HPSE2: variants seen among roughly 807,000 people sequenced by gnomAD.
HPSE2 encodes the protein heparanase 2 (inactive).
HPSE2 carries 38 observed loss-of-function variants against 60.5 expected under a neutral mutation model. The ratio of observed to expected loss-of-function variants is 0.63; its 90% CI spans 0.48 to 0.82. HPSE2 has a LOEUF of 0.82. Among genes scored for constraint, HPSE2 ranks in the 40% least tolerant of loss-of-function variants. HPSE2 has a pLI of 0.00. For synonymous variants in HPSE2, 295 were observed against 293.2 expected, an observed-to-expected ratio of 1.01 and a Z score of -0.06; for missense variants, 713 against 740.4, an observed-to-expected ratio of 0.96 and a Z score of 0.43.
chr10:98,473,532 G>GAGAA (rs148499328), intron 11 of HPSE2, among the ~76,000 whole-genome samples: 48,027 of 138,336 alleles, frequency 0.35, 9,523 homozygotes, highest in African/African-American at 0.53. Flanking sequence ...AAGAGAGAGA[G>GAGAA]AGAAAGAAAG....
intron 3 of HPSE2, among the ~76,000 whole-genome samples, chr10:98,849,753 T>G (rs1952122738): frequency 6.7e-6 from 1 of 148,234 alleles, no homozygotes; most frequent in South Asian, 2.1e-4. Flanking sequence ...AGCTCCTCGA[T>G]TTTTTTTTTT....
At chr10:98,615,595 T>G (rs1945884651) in intron 8 of HPSE2, among the ~76,000 whole-genome samples, 1 of 152,202 alleles carries the variant, frequency 6.6e-6, no homozygotes, top group South Asian at 2.1e-4. Context: ...GATTCAAGTA[T>G]GCCACCATCA....
chr10:98,543,711 A>C (rs953657051), intron 9 of HPSE2, among the ~76,000 whole-genome samples: 1 of 152,134 alleles, frequency 6.6e-6, no homozygotes, highest in Non-Finnish European at 1.5e-5. Context: ...TAAAACCAAC[A>C]AAGATCAAAA....
chr10:99,303,792 C>T, the HPSE2 span, among the ~76,000 whole-genome samples: 1 of 152,154 alleles, frequency 6.6e-6, no homozygotes, highest in African/African-American at 2.4e-5. Flanking sequence ...TGCTCTTCTT[C>T]CTGCTCTGTT....
At chr10:99,142,919 C>T (rs1051385333) in intron 3 of HPSE2, among the ~76,000 whole-genome samples, 10 of 151,894 alleles carry the variant, frequency 6.6e-5, no homozygotes, top group Non-Finnish European at 1.0e-4. Flanking sequence ...AAAAATATTT[C>T]ATTTCCACTC....
intron 3 of HPSE2, among the ~76,000 whole-genome samples, chr10:99,109,902 T>G (rs1033718522): frequency 6.6e-6 from 1 of 152,122 alleles, no homozygotes; most frequent in Non-Finnish European, 1.5e-5. Flanking sequence ...GTTCTGTGAA[T>G]CTACTCATAT....
At chr10:98,848,585 CAG>C (rs2134722639) in intron 3 of HPSE2, among the ~76,000 whole-genome samples, 1 of 152,216 alleles carries the variant, frequency 6.6e-6, no homozygotes, top group Non-Finnish European at 1.5e-5. Context: ...ACAGATGAGT[CAG>C]AGTTAGTCTT....
intron 2 of HPSE2, among the ~76,000 whole-genome samples, chr10:99,160,050 A>G (rs1295426225): frequency 6.6e-6 from 1 of 151,998 alleles, no homozygotes; most frequent in Non-Finnish European, 1.5e-5. Context: ...CTGAAGCACA[A>G]GAATCACTTG....
At chr10:99,132,218 AGAG>A (rs1845455089) in intron 3 of HPSE2, among the ~76,000 whole-genome samples, 4 of 36,994 alleles carry the variant, frequency 1.1e-4, no homozygotes, top group South Asian at 1.7e-3. Flanking sequence ...AGAGAGAGAG[AGAG>A]AGAGAGAGAG....
At chr10:99,137,771 C>A (rs1346711759) in intron 3 of HPSE2, among the ~76,000 whole-genome samples, 1 of 152,140 alleles carries the variant, frequency 6.6e-6, no homozygotes, top group African/African-American at 2.4e-5. Context: ...AATGTAAGAC[C>A]TGGGACCTTA....
upstream of HPSE2, among the ~76,000 whole-genome samples, chr10:99,237,535 A>G (rs891232613): frequency 6.6e-6 from 1 of 152,218 alleles, no homozygotes; most frequent in African/African-American, 2.4e-5. Context: ...TCATCTGTGA[A>G]GCGCCATGAC....
chr10:99,055,727 T>C (rs1010432196), intron 3 of HPSE2, among the ~76,000 whole-genome samples: 8 of 152,068 alleles, frequency 5.3e-5, no homozygotes, highest in African/African-American at 1.7e-4. Context: ...AAATAACCCA[T>C]GGGTCAGGGA....
chr10:99,129,809 C>CAA lies in HPSE2; in HGVS notation c.610+14427_610+14428dup, dbSNP rs35488447. 7.3e-3 allele frequency among the ~76,000 whole-genome samples: 968 copies of CAA among 132,506 alleles called. 8 individuals are homozygous for CAA. Among genetic ancestry groups the CAA allele is most frequent in the African/African-American group, 0.019 (646 of 33,930 alleles). The allele number at this position is 132,506 out of a possible 152,430, so 86.9% of individuals were successfully genotyped here. On this transcript the variant is annotated intron_variant, in intron 3 of 11. Coordinates refer to ENST00000370552, the MANE Select transcript of HPSE2 (RefSeq NM_021828.5). The stretch of plus-strand genomic sequence containing the variant: ...GAGAAGAATTACATGAAATTGAAAC[C>CAA]AAAAAAAAAAAAAGATAAAAGAAAC...
intron 1 of HPSE2, among the ~76,000 whole-genome samples, chr10:99,234,042 A>G (rs2133955561): frequency 6.6e-6 from 1 of 152,352 alleles, no homozygotes; most frequent in South Asian, 2.1e-4. Flanking sequence ...CAGCTGAAGG[A>G]GTTCAATGAA....
intron 3 of HPSE2, among the ~76,000 whole-genome samples, chr10:98,910,258 G>T (rs908819608): frequency 2.6e-5 from 4 of 152,112 alleles, no homozygotes; most frequent in Middle Eastern, 6.3e-3. Context: ...AGACAGAGCT[G>T]CTTTGTTAGA....
intron 3 of HPSE2, among the ~76,000 whole-genome samples, chr10:99,106,749 A>G (rs1160907606): frequency 6.6e-6 from 1 of 152,170 alleles, no homozygotes; most frequent in Non-Finnish European, 1.5e-5. Flanking sequence ...AGATAATATT[A>G]TCCCCATTTA....
chr10:98,559,943 G>C (rs1028016648), intron 9 of HPSE2, among the ~76,000 whole-genome samples: 2 of 152,150 alleles, frequency 1.3e-5, no homozygotes, highest in African/African-American at 4.8e-5. Flanking sequence ...ATGTGGGAAA[G>C]AGTATGTATT....
the HPSE2 span, among the ~76,000 whole-genome samples, chr10:99,254,199 T>C: frequency 6.6e-6 from 1 of 152,144 alleles, no homozygotes; most frequent in African/African-American, 2.4e-5. Context: ...AAAGAAAATG[T>C]GGTACAGATA....
chr10:98,548,628 A>G (rs4367874), intron 9 of HPSE2, among the ~76,000 whole-genome samples: 41,926 of 151,642 alleles, frequency 0.28, 6,224 homozygotes, highest in East Asian at 0.49. Context: ...AAAAAAAAAA[A>G]AAGAAATTTA....
Sources: gnomAD v4.1 joint callset for allele counts (sites outside exome capture counted in the v4.1 genomes callset) on GRCh38, gnomAD v4.1.1 for gene constraint, MANE v1.5 for transcripts, NCBI Gene and HGNC (gene_info 2026-07-23, HGNC 2026-07-21) for gene names.